TSHZ2: variants seen among roughly 807,000 people sequenced by gnomAD.
The protein encoded by TSHZ2 is teashirt homolog 2.
A neutral mutation model predicts 74.4 loss-of-function variants in TSHZ2; 21 were observed. The ratio of observed to expected loss-of-function variants is 0.28; its 90% CI spans 0.20 to 0.41. The LOEUF is 0.41. Ranked by LOEUF, TSHZ2 falls within the 10% of genes least tolerant of loss-of-function variation. The pLI, the probability that TSHZ2 is intolerant of heterozygous loss-of-function variation, is 1.00. For missense variants in TSHZ2, 1,244 were observed against 1,293.5 expected, an observed-to-expected ratio of 0.96 and a Z score of 0.59; for synonymous variants, 540 against 515.3, an observed-to-expected ratio of 1.05 and a Z score of -0.65.
At chr20:53,260,015 C>T (rs1990569104) in intron 2 of TSHZ2, among the ~76,000 whole-genome samples, 2 of 152,096 alleles carry the variant, frequency 1.3e-5, no homozygotes, top group Admixed American at 1.3e-4. Flanking sequence ...CTTTTCCCTC[C>T]TTTGTTCCTT....
chr20:52,990,926 T>C (rs1464483544), intron 1 of TSHZ2, among the ~76,000 whole-genome samples: 1 of 152,202 alleles, frequency 6.6e-6, no homozygotes, highest in African/African-American at 2.4e-5. Flanking sequence ...GTGTATATTT[T>C]ACCCAGCATG....
At chr20:53,080,388 C>T (rs1985495177) in intron 1 of TSHZ2, among the ~76,000 whole-genome samples, 1 of 152,180 alleles carries the variant, frequency 6.6e-6, no homozygotes, top group African/African-American at 2.4e-5. Flanking sequence ...TAGGCAAGGA[C>T]AAAGGTACAA....
At chr20:53,152,091 A>AC (rs1248812248) in intron 1 of TSHZ2, among the ~76,000 whole-genome samples, 1 of 152,242 alleles carries the variant, frequency 6.6e-6, no homozygotes, top group East Asian at 1.9e-4. Flanking sequence ...GGTACCATGT[A>AC]CTAAAATCCT....
chr20:53,404,105 C>T (rs1982764918), intron 2 of TSHZ2, among the ~76,000 whole-genome samples: 1 of 152,170 alleles, frequency 6.6e-6, no homozygotes, highest in Admixed American at 6.5e-5. Flanking sequence ...CTAACCACCT[C>T]AACATTTCAA....
At chr20:53,033,651 CTTTTTTTTTT>C (rs61445726) in intron 1 of TSHZ2, among the ~76,000 whole-genome samples, 2 of 59,020 alleles carry the variant, frequency 3.4e-5, no homozygotes, top group African/African-American at 6.4e-5. Context: ...TGATAAAAAG[CTTTTTTTTTT>C]TTTTTTTTTT....
rs1984881662 is a variant in TSHZ2 at position 53,063,441 on chromosome 20, A to G, written c.40+90108A>G. 2.6e-5 allele frequency among the ~76,000 whole-genome samples: 4 copies of G among 152,236 alleles called. No individual in the cohort carries two copies. The South Asian group carries it at 8.3e-4, about 32-fold the overall frequency. Reference sequence around the variant, plus strand: ...TAATGCAAAGGAACATATGCATAAAATGATTCATAATATAAATTATGGACA... The same window carrying G: ...TAATGCAAAGGAACATATGCATAAAGTGATTCATAATATAAATTATGGACA... On this transcript the variant is annotated intron_variant, in intron 1 of 2. Coordinates refer to ENST00000371497, the MANE Select transcript of TSHZ2 (RefSeq NM_173485.6).
intron 1 of TSHZ2, among the ~76,000 whole-genome samples, chr20:52,985,818 G>A (rs544439044): frequency 3.9e-5 from 6 of 152,160 alleles, no homozygotes; most frequent in South Asian, 4.1e-4. Flanking sequence ...TCAAACCATC[G>A]TCTCCAATTA....
At chr20:53,341,799 C>T (rs1314333186) in intron 2 of TSHZ2, among the ~76,000 whole-genome samples, 2 of 152,098 alleles carry the variant, frequency 1.3e-5, no homozygotes. Flanking sequence ...CAACCTCCAC[C>T]TCCCGGGTTC....
chr20:53,155,022 G>A (rs1241269278), intron 1 of TSHZ2, among the ~76,000 whole-genome samples: 1 of 117,822 alleles, frequency 8.5e-6, no homozygotes. Context: ...TGAGACTTTT[G>A]TTTCTTCTAA....
At chr20:53,312,121 T>C (rs1461944134) in intron 2 of TSHZ2, among the ~76,000 whole-genome samples, 1 of 152,100 alleles carries the variant, frequency 6.6e-6, no homozygotes, top group African/African-American at 2.4e-5. Context: ...TTACCTGTAA[T>C]GATGCAACTG....
At chr20:53,138,942 G>A (rs1345536357) in intron 1 of TSHZ2, among the ~76,000 whole-genome samples, 1 of 152,222 alleles carries the variant, frequency 6.6e-6, no homozygotes, top group African/African-American at 2.4e-5. Context: ...AATCAAGGCA[G>A]ATTCAAGGGT....
chr20:53,324,364 T>TTTTGG (rs1979408179), intron 2 of TSHZ2, among the ~76,000 whole-genome samples: 1 of 151,918 alleles, frequency 6.6e-6, no homozygotes, highest in South Asian at 2.1e-4. Flanking sequence ...TACTTTTTGT[T>TTTTGG]TTTGGTTTTG....
At chr20:53,102,019 T>G (rs947888782) in intron 1 of TSHZ2, among the ~76,000 whole-genome samples, 5 of 151,458 alleles carry the variant, frequency 3.3e-5, no homozygotes, top group African/African-American at 1.2e-4. Context: ...AATAAGTCTC[T>G]TGGCTGACTT....
chr20:53,030,738 A>C (rs1311705421), intron 1 of TSHZ2, among the ~76,000 whole-genome samples: 1 of 152,266 alleles, frequency 6.6e-6, no homozygotes, highest in Non-Finnish European at 1.5e-5. Context: ...ACCCACAGAT[A>C]TCACCACTGG....
chr20:53,268,888 T>G, intron 2 of TSHZ2, among the ~76,000 whole-genome samples: 1 of 152,186 alleles, frequency 6.6e-6, no homozygotes, highest in Non-Finnish European at 1.5e-5. Flanking sequence ...TGGGTTCAAA[T>G]CCCAGCAGGG....
chr20:53,460,336 G>A (rs375343823), intron 2 of TSHZ2, among the ~76,000 whole-genome samples: 2 of 151,874 alleles, frequency 1.3e-5, no homozygotes, highest in African/African-American at 4.9e-5. Flanking sequence ...CCAGTTGATC[G>A]CATCGGCTCC....
chr20:53,057,728 G>A (rs1984688196), intron 1 of TSHZ2, among the ~76,000 whole-genome samples: 2 of 152,148 alleles, frequency 1.3e-5, no homozygotes, highest in Non-Finnish European at 1.5e-5. Context: ...GACACTCACA[G>A]AAACAGTGAT....
chr20:53,138,340 A>C (rs566345654), intron 1 of TSHZ2, among the ~76,000 whole-genome samples: 2 of 151,778 alleles, frequency 1.3e-5, no homozygotes, highest in Admixed American at 1.3e-4. Flanking sequence ...GCAGAGATCA[A>C]GCCGCTGCAC....
At chr20:53,400,764 C>G (rs879659010) in intron 2 of TSHZ2, among the ~76,000 whole-genome samples, 2 of 152,182 alleles carry the variant, frequency 1.3e-5, no homozygotes, top group Admixed American at 6.5e-5. Context: ...ATCTCAATCC[C>G]TCCCCAGGGT....
Sources: allele counts gnomAD v4.1 joint callset (sites outside exome capture counted in the v4.1 genomes callset), GRCh38; gene constraint gnomAD v4.1.1; transcripts MANE v1.5; gene names NCBI Gene and HGNC (gene_info 2026-07-23, HGNC 2026-07-21).